The following SAMD5 variants were observed in gnomAD, a reference collection of about 807,000 sequenced individuals.
SAMD5 encodes sterile alpha motif domain-containing protein 5.
In SAMD5, 13 loss-of-function variants were observed where a neutral mutation model predicts 11.3. The ratio of observed to expected loss-of-function variants is 1.15; its 90% confidence interval spans 0.75 to 1.83. The LOEUF (loss-of-function observed/expected upper bound fraction) is 1.83, where lower values mean the gene tolerates loss of function less well. Ranked by LOEUF, SAMD5 falls within the 40% of genes most tolerant of loss-of-function variation. SAMD5 has a pLI of 0.00. For missense variants in SAMD5, 255 were observed against 239.1 expected (o/e 1.07, Z -0.44); for synonymous variants, 129 against 111.3 (o/e 1.16, Z -1.00).
chr6:147,917,571 A>G, the SAMD5 span, among the ~76,000 whole-genome samples: 2 of 151,806 alleles, frequency 1.3e-5, no homozygotes, highest in African/African-American at 2.4e-5. Flanking sequence ...ATTAGATCCC[A>G]TTTGTCAATT....
intron 1 of SAMD5, among the ~76,000 whole-genome samples, chr6:147,556,373 T>C (rs1788856739): frequency 6.6e-6 from 1 of 152,250 alleles, no homozygotes. Context: ...ATTACAGGCG[T>C]GAGCCACCGT....
chr6:147,859,374 G>A, the SAMD5 span, among the ~76,000 whole-genome samples: 17 of 152,262 alleles, frequency 1.1e-4, no homozygotes, highest in East Asian at 5.8e-4. Context: ...AAACAAATTC[G>A]TTTCAAATGA....
At chr6:147,923,361 G>C in the SAMD5 span, among the ~76,000 whole-genome samples, 2 of 152,124 alleles carry the variant, frequency 1.3e-5, no homozygotes, top group Non-Finnish European at 2.9e-5. Context: ...CCACATCATT[G>C]CCAATCAGTT....
At chr6:147,523,342 A>T (rs1366585225) in intron 1 of SAMD5, among the ~76,000 whole-genome samples, 2 of 152,156 alleles carry the variant, frequency 1.3e-5, no homozygotes, top group African/African-American at 4.8e-5. Context: ...TGAAACATCA[A>T]ATAGGTGGAT....
In SAMD5 at chr6:147,565,003, T is replaced by C. The variant is rs1789013941; in HGVS notation, c.*547T>C. The stretch of plus-strand genomic sequence containing the variant: ...GAATAGTTTGGTGAAGGAATTCTTA[T>C]TTTAAGGTGCTTTTATATAGTTATT... On this transcript the variant is annotated 3_prime_UTR_variant, in exon 2 of 2. Coordinates refer to ENST00000367474, the MANE Select transcript of SAMD5 (RefSeq NM_001030060.3). The C allele has an allele frequency of 1.1e-6, 1 of 899,230 alleles. No individual in the cohort carries two copies. The highest frequency in any genetic ancestry group is 1.3e-6 in the Non-Finnish European group (1 of 751,968). The allele number at this position is 899,230 out of a possible 1,614,324, so 55.7% of individuals were successfully genotyped here.
chr6:147,844,543 A>T, the SAMD5 span, among the ~76,000 whole-genome samples: 1 of 152,208 alleles, frequency 6.6e-6, no homozygotes, highest in Non-Finnish European at 1.5e-5. Context: ...GCACTCCCAC[A>T]TTCACTGCAG....
At chr6:147,643,130 A>G (rs1790338709) in intron 1 of SAMD5, among the ~76,000 whole-genome samples, 1 of 152,186 alleles carries the variant, frequency 6.6e-6, no homozygotes, top group African/African-American at 2.4e-5. Context: ...TGATACTGCA[A>G]ATCCTCACGT....
chr6:147,512,622 G>A (rs1788107318), intron 1 of SAMD5, among the ~76,000 whole-genome samples: 1 of 152,174 alleles, frequency 6.6e-6, no homozygotes, highest in Non-Finnish European at 1.5e-5. Flanking sequence ...GAGAGCACCA[G>A]GCTTTAAATC....
At chr6:147,829,022 C>G in the SAMD5 span, among the ~76,000 whole-genome samples, 3 of 152,160 alleles carry the variant, frequency 2.0e-5, no homozygotes, top group South Asian at 6.2e-4. Flanking sequence ...CTAAAACCAA[C>G]AAGGAACATG....
chr6:147,707,293 T>G (rs1583147699), intron 1 of SAMD5, among the ~76,000 whole-genome samples: 1 of 152,254 alleles, frequency 6.6e-6, no homozygotes, highest in East Asian at 1.9e-4. Context: ...CTAGACTGAT[T>G]TTTTATGACT....
chr6:147,675,889 A>C (rs576309467), intron 1 of SAMD5, among the ~76,000 whole-genome samples: 5 of 152,218 alleles, frequency 3.3e-5, no homozygotes, highest in Admixed American at 1.3e-4. Context: ...CACGCAAAAG[A>C]AATAAACTTC....
chr6:147,683,336 T>C (rs1257771601), intron 1 of SAMD5, among the ~76,000 whole-genome samples: 1 of 152,264 alleles, frequency 6.6e-6, no homozygotes, highest in East Asian at 1.9e-4. Flanking sequence ...TTAAACTTTT[T>C]GGTCTCAGGA....
chr6:147,577,418 A>G (rs1469468073), intron 1 of SAMD5, among the ~76,000 whole-genome samples: 1 of 152,182 alleles, frequency 6.6e-6, no homozygotes, highest in Non-Finnish European at 1.5e-5. Flanking sequence ...AGTTTTGGAG[A>G]AACATTACAA....
At chr6:147,671,738 T>C (rs1040248123) in intron 1 of SAMD5, among the ~76,000 whole-genome samples, 1 of 152,184 alleles carries the variant, frequency 6.6e-6, no homozygotes, top group African/African-American at 2.4e-5. Flanking sequence ...GTCCGTCCTA[T>C]TTTTTGAATG....
chr6:147,813,937 A>G, the SAMD5 span, among the ~76,000 whole-genome samples: 1 of 152,300 alleles, frequency 6.6e-6, no homozygotes, highest in Admixed American at 6.5e-5. Context: ...CCATTTCCTT[A>G]TTGGGACTGG....
intron 1 of SAMD5, among the ~76,000 whole-genome samples, chr6:147,650,558 T>G (rs748869245): frequency 7.2e-5 from 11 of 152,202 alleles, no homozygotes; most frequent in Non-Finnish European, 1.5e-4. Context: ...CGGGCATGTT[T>G]TAAACAGAGA....
the SAMD5 span, among the ~76,000 whole-genome samples, chr6:147,777,997 C>T: frequency 6.6e-6 from 1 of 152,128 alleles, no homozygotes; most frequent in Non-Finnish European, 1.5e-5. Context: ...AGTAGAATTA[C>T]TCAGTCATAT....
At chr6:147,909,603 T>TC in the SAMD5 span, among the ~76,000 whole-genome samples, 2 of 72,260 alleles carry the variant, frequency 2.8e-5, no homozygotes, top group Admixed American at 1.5e-4. Flanking sequence ...TTTCTTTCTT[T>TC]CTTTCTTTCT....
At chr6:147,827,667 A>C in the SAMD5 span, among the ~76,000 whole-genome samples, 1 of 152,238 alleles carries the variant, frequency 6.6e-6, no homozygotes, top group South Asian at 2.1e-4. Context: ...TTCTACTAGA[A>C]CAGCTCTGCT....
Sources: allele counts gnomAD v4.1 joint callset (sites outside exome capture counted in the v4.1 genomes callset), GRCh38; gene constraint gnomAD v4.1.1; transcripts MANE v1.5; gene names NCBI Gene and HGNC (gene_info 2026-07-23, HGNC 2026-07-21).